RICTOR: variants seen among roughly 807,000 people sequenced by gnomAD.
RICTOR encodes RPTOR independent companion of MTOR complex 2, also known as rapamycin-insensitive companion of mTOR.
In RICTOR, 49 loss-of-function variants were observed where a neutral mutation model predicts 214.9. That is an observed-to-expected ratio of 0.23 (90% CI 0.18 to 0.29). RICTOR has a LOEUF of 0.29. Among genes scored for constraint, RICTOR ranks in the 10% least tolerant of loss-of-function variants. The pLI, the probability that RICTOR is intolerant of heterozygous loss-of-function variation, is 1.00. For missense variants in RICTOR, 1,625 were observed against 2,047.0 expected, an observed-to-expected ratio of 0.79 and a Z score of 3.98; for synonymous variants, 717 against 711.3, an observed-to-expected ratio of 1.01 and a Z score of -0.13.
At position 38,947,366 on chromosome 5, in the gene RICTOR, T is replaced by A; in HGVS notation, c.4212A>T (p.Gln1404His). The change falls in exon 32 of 38, where the codon CAA becomes CAT. Residue 1404 changes from glutamine to histidine, a missense_variant. This residue lies in a region of RICTOR where 1,214 missense variants were observed against 1,470.5 expected (regional missense o/e 0.83). Transcript: ENST00000357387. ...LLSPINQNTLQRSSSVRSMVS... is the reference protein window; with the variant it reads ...LLSPINQNTLHRSSSVRSMVS... ...CCATGGACCGCACTGAGGAAGATCGTTGCAGGGTATTTTGATTAATAGGAC... is the reference window on the plus strand; with the variant it reads ...CCATGGACCGCACTGAGGAAGATCGATGCAGGGTATTTTGATTAATAGGAC... 6.2e-7 allele frequency: 1 copy of A among 1,611,834 alleles called. No individual in the cohort carries two copies. The highest frequency in any genetic ancestry group is 8.5e-7 in the Non-Finnish European group (1 of 1,178,060).
intron 11 of RICTOR, among the ~76,000 whole-genome samples, chr5:38,969,230 C>T (rs1162255009): frequency 6.6e-6 from 1 of 151,768 alleles, no homozygotes; most frequent in Non-Finnish European, 1.5e-5. Flanking sequence ...CCTTGGCCTC[C>T]CAAAGTGCTG....
chr5:38,967,051 T>C, intron 14 of RICTOR, 110 bp downstream of exon 14: 1 of 836,988 alleles, frequency 1.2e-6, no homozygotes. Flanking sequence ...TCCGCCTGCC[T>C]TGGCTTCTCA....
At chr5:39,041,601 T>C (rs1311665588) in intron 2 of RICTOR, among the ~76,000 whole-genome samples, 2 of 152,030 alleles carry the variant, frequency 1.3e-5, no homozygotes, top group Non-Finnish European at 2.9e-5. Context: ...GGAAAAAAGA[T>C]AGAGGGCAGA....
At chr5:38,986,080 C>CA (rs750651449) in intron 7 of RICTOR, among the ~76,000 whole-genome samples, 6 of 152,232 alleles carry the variant, frequency 3.9e-5, no homozygotes, top group Non-Finnish European at 5.9e-5. Context: ...TCTGTGTCCC[C>CA]ACCCAAATCT....
At chr5:39,050,201 T>C (rs1757750194) in intron 2 of RICTOR, among the ~76,000 whole-genome samples, 1 of 149,758 alleles carries the variant, frequency 6.7e-6, no homozygotes, top group South Asian at 2.1e-4. Context: ...AATAAATAAA[T>C]ATATATATAT....
chr5:38,966,351 A>G (rs1013952222), intron 15 of RICTOR, among the ~76,000 whole-genome samples: 1 of 152,208 alleles, frequency 6.6e-6, no homozygotes, highest in Non-Finnish European at 1.5e-5. Context: ...ACAGGACGAA[A>G]ATGTCAACTT....
In RICTOR at chr5:39,012,029, T is replaced by A. The variant is rs1259357951; in HGVS notation, c.196-8407A>T. Reference sequence around the variant, plus strand: ...CCAGGGCAGAATTATAAGGTTTGGCTCTGTGTTCCCACCCAAATCTCACCT... The same window carrying A: ...CCAGGGCAGAATTATAAGGTTTGGCACTGTGTTCCCACCCAAATCTCACCT... On this transcript the variant is annotated intron_variant, in intron 3 of 37. Coordinates refer to ENST00000357387, the MANE Select transcript of RICTOR (RefSeq NM_152756.5). Among the ~76,000 whole-genome samples, 4 of 152,260 alleles carry A rather than the reference T, an allele frequency of 2.6e-5. No homozygotes were observed. The East Asian group carries it at 7.7e-4, about 29-fold the overall frequency.
intron 3 of RICTOR, among the ~76,000 whole-genome samples, chr5:39,010,100 C>A (rs1754386245): frequency 6.6e-6 from 1 of 152,188 alleles, no homozygotes. Flanking sequence ...GCAGTTTCCA[C>A]CATGCTCTTC....
chr5:38,997,019 C>A (rs1753228095), intron 5 of RICTOR, 137 bp from the exon 6 acceptor site: 3 of 634,214 alleles, frequency 4.7e-6, no homozygotes, highest in Non-Finnish European at 8.5e-6. Flanking sequence ...TTCTCAGTAC[C>A]AGCATATATT....
Position 38,975,356 on chromosome 5 carries a change from T to C in RICTOR, c.889+181A>G, listed in dbSNP as rs13168867. 0.38 allele frequency among the ~76,000 whole-genome samples: 58,180 copies of C among 152,008 alleles called. 11,367 individuals carry two copies. The highest frequency in any genetic ancestry group is 0.48 in the East Asian group (2,460 of 5,176). The stretch of plus-strand genomic sequence containing the variant: ...ATAATATTAGCTAATTCCTATTGAC[T>C]ATTACAAATTTCCTTCACCATATTT... On this transcript the variant is annotated intron_variant, in intron 10 of 37. Transcript: ENST00000357387.
At chr5:38,958,911 C>T in intron 22 of RICTOR, 80 bp from the exon 23 acceptor site, 1 of 1,043,256 alleles carries the variant, frequency 9.6e-7, no homozygotes, top group East Asian at 2.8e-5. Flanking sequence ...TGGGATAGTC[C>T]TGCTACTTGA....
intron 6 of RICTOR, among the ~76,000 whole-genome samples, chr5:38,996,211 C>T (rs1397793644): frequency 6.6e-6 from 1 of 152,172 alleles, no homozygotes; most frequent in East Asian, 1.9e-4. Flanking sequence ...GTGTCCCAAC[C>T]ATATTTACTC....
intron 30 of RICTOR, 78 bp from the exon 31 acceptor site, chr5:38,950,798 A>G: frequency 7.6e-7 from 1 of 1,315,014 alleles, no homozygotes; most frequent in East Asian, 2.5e-5. Context: ...ATCACATTTC[A>G]GGAAATTTTT....
chr5:39,028,474 G>A (rs771693528), intron 2 of RICTOR, among the ~76,000 whole-genome samples: 2 of 152,048 alleles, frequency 1.3e-5, no homozygotes, highest in East Asian at 1.9e-4. Context: ...GAGCCACCGC[G>A]CCCGGCCTGG....
At chr5:39,020,731 T>C (rs1303935834) in intron 3 of RICTOR, among the ~76,000 whole-genome samples, 2 of 152,222 alleles carry the variant, frequency 1.3e-5, no homozygotes, top group African/African-American at 4.8e-5. Context: ...TACCATATAT[T>C]ATCAAGTAAA....
intron 4 of RICTOR, 147 bp downstream of exon 4, chr5:39,003,411 G>A (rs1753795523): frequency 2.0e-6 from 1 of 510,052 alleles, no homozygotes; most frequent in Admixed American, 3.9e-5. Context: ...AACTACTGTA[G>A]CTCTTAGATT....
At chr5:38,981,765 ATAAT>A in intron 8 of RICTOR, 98 bp downstream of exon 8, 1 of 740,828 alleles carries the variant, frequency 1.3e-6, no homozygotes, top group Non-Finnish European at 2.1e-6. Flanking sequence ...TTTAGGCTTG[ATAAT>A]TAATGTGGTG....
chr5:38,944,317 C>T, intron 36 of RICTOR, 129 bp downstream of exon 36: 2 of 899,930 alleles, frequency 2.2e-6, no homozygotes, highest in Non-Finnish European at 3.6e-6. Context: ...TAGCCTCACA[C>T]AGGTATGCAA....
chr5:39,041,224 G>A (rs1757142496), intron 2 of RICTOR, among the ~76,000 whole-genome samples: 1 of 152,154 alleles, frequency 6.6e-6, no homozygotes, highest in South Asian at 2.1e-4. Context: ...AAAATGTGAA[G>A]AGCAATATGT....
Sources: allele counts gnomAD v4.1 joint callset (sites outside exome capture counted in the v4.1 genomes callset), GRCh38; gene constraint gnomAD v4.1.1; regional missense constraint gnomAD v4.1.1; transcripts MANE v1.5; gene names NCBI Gene and HGNC (gene_info 2026-07-23, HGNC 2026-07-21).